The following ZBTB7C variants were observed in gnomAD, a reference collection of about 807,000 sequenced individuals.
ZBTB7C encodes zinc finger and BTB domain containing 7C.
In ZBTB7C, 8 loss-of-function variants were observed where a neutral mutation model predicts 25.7. The observed-to-expected ratio is 0.31, with a 90% CI of 0.18 to 0.56. The LOEUF is 0.56. Ranked by LOEUF, ZBTB7C falls within the 20% of genes least tolerant of loss-of-function variation. ZBTB7C has a pLI of 0.91. For synonymous variants in ZBTB7C, 394 were observed against 369.0 expected (o/e 1.07, Z -0.78); for missense variants, 824 against 855.2 (o/e 0.96, Z 0.46).
At chr18:48,087,023 A>G (rs1164421787) in intron 3 of ZBTB7C, among the ~76,000 whole-genome samples, 1 of 152,184 alleles carries the variant, frequency 6.6e-6, no homozygotes, top group Non-Finnish European at 1.5e-5. Context: ...AACTATAATG[A>G]TCCTCATTTT....
chr18:48,268,562 T>C (rs2044380827), intron 2 of ZBTB7C, among the ~76,000 whole-genome samples: 4 of 152,078 alleles, frequency 2.6e-5, no homozygotes, highest in Admixed American at 2.6e-4. Context: ...ATGATGAACT[T>C]GATTAGATAT....
chr18:48,240,816 C>T (rs946208640), intron 2 of ZBTB7C, among the ~76,000 whole-genome samples: 7 of 152,130 alleles, frequency 4.6e-5, no homozygotes, highest in African/African-American at 1.7e-4. Flanking sequence ...CAGGCTGCAA[C>T]TAGCACAATG....
At chr18:48,362,667 A>T (rs2047136107) in intron 1 of ZBTB7C, among the ~76,000 whole-genome samples, 1 of 152,160 alleles carries the variant, frequency 6.6e-6, no homozygotes, top group Non-Finnish European at 1.5e-5. Flanking sequence ...TCCCTGGGGG[A>T]GTCCTTGTCA....
intron 1 of ZBTB7C, among the ~76,000 whole-genome samples, chr18:48,346,313 C>T (rs1007012659): frequency 1.3e-5 from 2 of 152,234 alleles, no homozygotes; most frequent in African/African-American, 4.8e-5. Context: ...CCATGCTGAG[C>T]ATTTGTCTCT....
chr18:48,410,368 C>A (rs112993929), upstream of ZBTB7C, among the ~76,000 whole-genome samples: 9 of 152,214 alleles, frequency 5.9e-5, no homozygotes, highest in African/African-American at 1.9e-4. Flanking sequence ...CGTCACTCCC[C>A]GGGTCGGCCT....
chr18:48,199,286 A>T (rs2042383580), intron 2 of ZBTB7C, among the ~76,000 whole-genome samples: 1 of 152,056 alleles, frequency 6.6e-6, no homozygotes, highest in African/African-American at 2.4e-5. Flanking sequence ...CTCGGGTTTT[A>T]TTCTCCATTT....
In ZBTB7C at chr18:48,405,330, C is replaced by T. The variant is rs1035385041; in HGVS notation, c.-304+3896G>A. ...TTGAATGCATGCCTTCAAACCTCCT[C>T]GACCAGCCCCACACAGAAATGACTC... On this transcript the variant is annotated intron_variant, in intron 1 of 4. Transcript: ENST00000590800. 1.7e-4 allele frequency among the ~76,000 whole-genome samples: 26 copies of T among 152,130 alleles called. 1 individual carries two copies. The highest frequency in any genetic ancestry group is 1.5e-3 in the East Asian group (8 of 5,198).
rs113058200 is a variant in ZBTB7C at position 48,179,673 on chromosome 18, C to CTCCTTCCTTCCTTCCT, written c.-17+6245_-17+6260dup. 2.0e-3 allele frequency among the ~76,000 whole-genome samples: 287 copies of CTCCTTCCTTCCTTCCT among 146,156 alleles called. 1 individual carries two copies. The highest frequency in any genetic ancestry group is 7.0e-3 in the African/African-American group (273 of 39,270). ...TCGACTGCAAAGAAGATATTTCTCT[C>CTCCTTCCTTCCTTCCT]TCCTTCCTTCCTTCCTTCCTTCCTT... is the stretch of plus-strand genomic sequence containing the variant. On this transcript the variant is annotated intron_variant, in intron 3 of 4. Coordinates refer to ENST00000590800, the MANE Select transcript of ZBTB7C (RefSeq NM_001318841.2).
chr18:48,365,846 A>T (rs1343224508), intron 1 of ZBTB7C, among the ~76,000 whole-genome samples: 2 of 152,240 alleles, frequency 1.3e-5, no homozygotes. Flanking sequence ...CCTGAAGTGA[A>T]CAGGGGCAGA....
intron 3 of ZBTB7C, among the ~76,000 whole-genome samples, chr18:48,058,488 C>T (rs1425714797): frequency 1.3e-5 from 2 of 152,194 alleles, no homozygotes; most frequent in African/African-American, 4.8e-5. Context: ...TGCATTGGTG[C>T]GTGTTCCTTT....
At chr18:48,165,582 G>A in intron 3 of ZBTB7C, 1 of 160,226 alleles carries the variant, frequency 6.2e-6, no homozygotes, top group Non-Finnish European at 1.4e-5. Context: ...GCTTTCAAAA[G>A]CTCCTGTCCC....
chr18:48,270,689 C>CAAA (rs35344797), intron 2 of ZBTB7C, among the ~76,000 whole-genome samples: 2 of 88,280 alleles, frequency 2.3e-5, no homozygotes, highest in African/African-American at 4.4e-5. Flanking sequence ...GACTCTGTCT[C>CAAA]AAAAAAAAAA....
chr18:48,285,874 G>A (rs2045032538), intron 2 of ZBTB7C, among the ~76,000 whole-genome samples: 1 of 151,962 alleles, frequency 6.6e-6, no homozygotes, highest in African/African-American at 2.4e-5. Flanking sequence ...CTTGGAAGAT[G>A]GTGCTTCCTT....
At chr18:48,127,929 C>T (rs1469588135) in intron 3 of ZBTB7C, among the ~76,000 whole-genome samples, 1 of 152,220 alleles carries the variant, frequency 6.6e-6, no homozygotes. Flanking sequence ...TGCGTGTCCA[C>T]AAGGGCCGGC....
chr18:48,053,685 C>A (rs1598788259), intron 3 of ZBTB7C, among the ~76,000 whole-genome samples: 1 of 152,136 alleles, frequency 6.6e-6, no homozygotes, highest in Non-Finnish European at 1.5e-5. Context: ...TCTCTCTCAG[C>A]TACTGCAGTA....
chr18:48,259,183 C>T (rs575496342), intron 2 of ZBTB7C, among the ~76,000 whole-genome samples: 40 of 152,258 alleles, frequency 2.6e-4, no homozygotes, highest in South Asian at 1.2e-3. Context: ...CTACTGAGCA[C>T]AAATAATCTG....
intron 3 of ZBTB7C, among the ~76,000 whole-genome samples, chr18:48,173,757 A>G (rs1158225335): frequency 6.6e-6 from 1 of 152,170 alleles, no homozygotes; most frequent in Non-Finnish European, 1.5e-5. Flanking sequence ...CAGAGACTCA[A>G]TGCCCAACCC....
intron 1 of ZBTB7C, among the ~76,000 whole-genome samples, chr18:48,403,873 T>A (rs959225273): frequency 6.6e-6 from 1 of 151,142 alleles, no homozygotes; most frequent in African/African-American, 2.4e-5. Flanking sequence ...AAAAGAGAGA[T>A]AATAAACAGG....
intron 2 of ZBTB7C, among the ~76,000 whole-genome samples, chr18:48,263,929 T>C (rs1036950795): frequency 6.6e-5 from 10 of 152,194 alleles, no homozygotes; most frequent in Non-Finnish European, 1.0e-4. Context: ...GGTAGGACTG[T>C]AGACAAGTGA....
Sources: gnomAD v4.1 joint callset for allele counts (sites outside exome capture counted in the v4.1 genomes callset) on GRCh38, gnomAD v4.1.1 for gene constraint, MANE v1.5 for transcripts, NCBI Gene and HGNC (gene_info 2026-07-23, HGNC 2026-07-21) for gene names.